COMMD10: variants seen among roughly 807,000 people sequenced by gnomAD.
COMMD10 encodes COMM domain-containing protein 10.
Under a neutral mutation model 28.9 loss-of-function variants are expected in COMMD10, and 33 were observed. The observed-to-expected ratio is 1.14, with a 90% confidence interval of 0.87 to 1.53. The LOEUF (loss-of-function observed/expected upper bound fraction) is 1.53, where lower values mean the gene tolerates loss of function less well. COMMD10 is among the 40% of genes most tolerant of loss of function. The pLI, the probability that COMMD10 is intolerant of heterozygous loss-of-function variation, is 0.00. For synonymous variants in COMMD10, 110 were observed against 81.7 expected (o/e 1.35, Z -1.87); for missense variants, 310 against 233.4 (o/e 1.33, Z -2.14).
intron 5 of COMMD10, among the ~76,000 whole-genome samples, chr5:116,194,746 A>C (rs1748464799): frequency 1.3e-5 from 2 of 152,142 alleles, no homozygotes; most frequent in African/African-American, 4.8e-5. Context: ...AGACATTCAA[A>C]GAATTGGTAC....
chr5:116,133,113 C>T (rs1055037370), intron 4 of COMMD10, among the ~76,000 whole-genome samples: 3 of 152,094 alleles, frequency 2.0e-5, no homozygotes, highest in African/African-American at 7.2e-5. Context: ...CATTCTTACC[C>T]AGTATTGCTA....
At chr5:116,126,315 G>C (rs1230645070) in intron 4 of COMMD10, among the ~76,000 whole-genome samples, 1 of 152,162 alleles carries the variant, frequency 6.6e-6, no homozygotes, top group Non-Finnish European at 1.5e-5. Flanking sequence ...CTCATGAATA[G>C]GAAGAATCGA....
At chr5:116,197,543 A>C (rs1481473102) in intron 5 of COMMD10, among the ~76,000 whole-genome samples, 1 of 151,808 alleles carries the variant, frequency 6.6e-6, no homozygotes, top group Non-Finnish European at 1.5e-5. Flanking sequence ...AGCCTGGCTA[A>C]TTTTTATTTT....
Position 116,218,129 on chromosome 5 carries a change from C to G in COMMD10, c.511-73388C>G, listed in dbSNP as rs1425104942. The G allele has an allele frequency of 3.9e-6, 5 of 1,273,878 alleles. No individual in the cohort carries two copies. In the Admixed American group the frequency reaches 5.1e-5, roughly 13 times the overall value. The allele number at this position is 1,273,878 out of a possible 1,614,324, so 78.9% of individuals were successfully genotyped here. ...CTTGCCAGCATCAGCTTTTCCCTTT[C>G]TCCCTTTGGGTACCTTCTCTCCCTT... On this transcript the variant is annotated intron_variant, in intron 5 of 6. Transcript: ENST00000274458.
chr5:116,087,405 AGTT>A, intron 1 of COMMD10, 89 bp from the exon 2 acceptor site: 1 of 777,126 alleles, frequency 1.3e-6, no homozygotes, highest in South Asian at 1.5e-5. Flanking sequence ...TAGCATTCAG[AGTT>A]GTTGGAATGA....
At chr5:116,111,994 C>A (rs1053184848) in intron 4 of COMMD10, among the ~76,000 whole-genome samples, 16 of 152,104 alleles carry the variant, frequency 1.1e-4, no homozygotes, top group Admixed American at 8.5e-4. Context: ...TCTTGTAGAA[C>A]TGACACCTTT....
At chr5:116,233,233 A>T (rs971153484) in intron 5 of COMMD10, among the ~76,000 whole-genome samples, 12 of 152,156 alleles carry the variant, frequency 7.9e-5, no homozygotes, top group Admixed American at 7.9e-4. Flanking sequence ...CTACATTCTC[A>T]TGACTCTTAT....
intron 5 of COMMD10, among the ~76,000 whole-genome samples, chr5:116,137,440 A>T (rs1752055053): frequency 6.6e-6 from 1 of 152,088 alleles, no homozygotes. Flanking sequence ...TGTCATACTT[A>T]TGAAGTTGGT....
chr5:116,168,984 T>C (rs7726112), intron 5 of COMMD10, among the ~76,000 whole-genome samples: 136,539 of 152,108 alleles, frequency 0.9, 61,393 homozygotes, highest in African/African-American at 0.94. Flanking sequence ...AAGATCAGAG[T>C]AGAACGAAAG....
chr5:116,277,031 A>G (rs927348855), intron 5 of COMMD10, among the ~76,000 whole-genome samples: 1 of 151,854 alleles, frequency 6.6e-6, no homozygotes, highest in Non-Finnish European at 1.5e-5. Flanking sequence ...ACTGTGTGGG[A>G]CATGAATATT....
At chr5:116,186,944 T>G (rs1231893344) in intron 5 of COMMD10, among the ~76,000 whole-genome samples, 1 of 152,170 alleles carries the variant, frequency 6.6e-6, no homozygotes, top group African/African-American at 2.4e-5. Flanking sequence ...TCCTTTTTGC[T>G]TTAAAAATAA....
intron 5 of COMMD10, among the ~76,000 whole-genome samples, chr5:116,162,251 C>G (rs1397499743): frequency 6.6e-6 from 1 of 151,902 alleles, no homozygotes; most frequent in Non-Finnish European, 1.5e-5. Context: ...ATAATAGCTA[C>G]CCACTCAGGT....
At chr5:116,161,476 A>C (rs1322160574) in intron 5 of COMMD10, among the ~76,000 whole-genome samples, 1 of 152,188 alleles carries the variant, frequency 6.6e-6, no homozygotes, top group Admixed American at 6.6e-5. Context: ...GCCCCTGTGC[A>C]GTGACAAATC....
At chr5:116,279,694 G>T (rs1751014892) in intron 5 of COMMD10, among the ~76,000 whole-genome samples, 2 of 151,712 alleles carry the variant, frequency 1.3e-5, no homozygotes, top group Non-Finnish European at 2.9e-5. Flanking sequence ...TTTTTAACTT[G>T]GCAATGGTAT....
At chr5:116,219,587 G>A (rs1421772284) in intron 5 of COMMD10, among the ~76,000 whole-genome samples, 1 of 152,152 alleles carries the variant, frequency 6.6e-6, no homozygotes, top group Non-Finnish European at 1.5e-5. Flanking sequence ...GCTAGAAGGA[G>A]GAAGAGGCAA....
intron 5 of COMMD10, among the ~76,000 whole-genome samples, chr5:116,263,321 A>G (rs1298965723): frequency 1.3e-5 from 2 of 151,724 alleles, no homozygotes; most frequent in East Asian, 1.9e-4. Flanking sequence ...GATGGGTTTT[A>G]TTTGACCCTA....
chr5:116,216,179 C>G (rs1561671411), intron 5 of COMMD10, among the ~76,000 whole-genome samples: 2 of 152,190 alleles, frequency 1.3e-5, no homozygotes, highest in East Asian at 1.9e-4. Flanking sequence ...TTAAGGAAAT[C>G]CTGTTTTTAA....
chr5:116,268,774 A>G (rs889476675), intron 5 of COMMD10, among the ~76,000 whole-genome samples: 2 of 151,928 alleles, frequency 1.3e-5, no homozygotes, highest in African/African-American at 4.9e-5. Context: ...GCCATAAAAA[A>G]GGATGAGTTT....
At chr5:116,126,236 C>T (rs1335632588) in intron 4 of COMMD10, among the ~76,000 whole-genome samples, 2 of 152,104 alleles carry the variant, frequency 1.3e-5, no homozygotes, top group African/African-American at 2.4e-5. Flanking sequence ...AGGACCTCTT[C>T]AAGGAGAACT....
Sources: gnomAD v4.1 joint callset for allele counts (sites outside exome capture counted in the v4.1 genomes callset) on GRCh38, gnomAD v4.1.1 for gene constraint, MANE v1.5 for transcripts, NCBI Gene and HGNC (gene_info 2026-07-23, HGNC 2026-07-21) for gene names.